The following TRPM3 variants were observed in gnomAD, a reference collection of about 807,000 sequenced individuals.
TRPM3 encodes the protein transient receptor potential cation channel subfamily M member 3, also known as long transient receptor potential channel 3.
TRPM3 carries 77 observed loss-of-function variants against 181.2 expected under a neutral mutation model. The ratio of observed to expected loss-of-function variants is 0.42; its 90% CI spans 0.35 to 0.51. The LOEUF (loss-of-function observed/expected upper bound fraction) is 0.51. Among genes scored for constraint, TRPM3 ranks in the 20% least tolerant of loss-of-function variants. TRPM3 has a pLI of 0.01. For missense variants in TRPM3, 1,759 were observed against 2,196.7 expected (o/e 0.80, Z 3.98); for synonymous variants, 745 against 796.4 (o/e 0.94, Z 1.09).
intron 1 of TRPM3, among the ~76,000 whole-genome samples, chr9:71,290,156 A>G (rs907928436): frequency 2.0e-5 from 3 of 152,052 alleles, no homozygotes; most frequent in African/African-American, 7.2e-5. Context: ...TTCACAAAAG[A>G]GAAGACATGA....
intron 1 of TRPM3, among the ~76,000 whole-genome samples, chr9:70,961,509 T>C (rs1486091826): frequency 6.6e-6 from 1 of 152,192 alleles, no homozygotes; most frequent in East Asian, 1.9e-4. Context: ...CAGGGTGTTT[T>C]ACAGAGCCTG....
intron 17 of TRPM3, among the ~76,000 whole-genome samples, chr9:70,617,233 G>A (rs1171047862): frequency 6.6e-6 from 1 of 152,220 alleles, no homozygotes; most frequent in African/African-American, 2.4e-5. Flanking sequence ...GGAGCTGAGA[G>A]CCAGCATGAC....
chr9:70,840,543 A>T (rs1392240845), intron 5 of TRPM3, among the ~76,000 whole-genome samples: 6 of 152,112 alleles, frequency 3.9e-5, no homozygotes, highest in Non-Finnish European at 8.8e-5. Flanking sequence ...GAAGGCAGAC[A>T]ATGTCAGTAA....
intron 22 of TRPM3, among the ~76,000 whole-genome samples, chr9:70,563,217 G>T (rs1014027899): frequency 2.0e-5 from 3 of 152,208 alleles, no homozygotes; most frequent in Admixed American, 2.0e-4. Context: ...AGCTGAGGCT[G>T]TTCTGGAGGA....
chr9:70,680,282 C>A (rs572394289), intron 9 of TRPM3, among the ~76,000 whole-genome samples: 1 of 152,096 alleles, frequency 6.6e-6, no homozygotes, highest in East Asian at 1.9e-4. Context: ...AAAATAGCTC[C>A]TATATCATTT....
At chr9:71,004,301 A>G (rs1224428857) in intron 1 of TRPM3, among the ~76,000 whole-genome samples, 1 of 152,258 alleles carries the variant, frequency 6.6e-6, no homozygotes, top group Non-Finnish European at 1.5e-5. Flanking sequence ...GAAACAACCC[A>G]AAGGCTGGTG....
At position 71,423,643 on chromosome 9, in the gene TRPM3, C is replaced by T. The variant is rs551656459; in HGVS notation, c.183+23010G>A. The stretch of plus-strand genomic sequence containing the variant: ...AAACAAGAAAACAAAGTGCATTATG[C>T]CTTTTTGGAACTATGAAATTTAAGA... On this transcript the variant is annotated intron_variant, in intron 1 of 24. Transcript: ENST00000357533. Among the ~76,000 whole-genome samples the T allele has an allele frequency of 7.2e-4, 109 of 152,132 alleles. No individual in the cohort carries two copies. The Middle Eastern group carries it at 0.01, about 14-fold the overall frequency.
intron 1 of TRPM3, among the ~76,000 whole-genome samples, chr9:71,048,738 A>G (rs1590969097): frequency 1.3e-5 from 2 of 152,178 alleles, no homozygotes; most frequent in South Asian, 2.1e-4. Context: ...GGAAATCACA[A>G]TCAAGCCTAG....
intron 1 of TRPM3, among the ~76,000 whole-genome samples, chr9:71,158,748 A>G (rs1481352294): frequency 2.0e-5 from 3 of 152,150 alleles, no homozygotes; most frequent in Non-Finnish European, 4.4e-5. Context: ...GTCTATGAAT[A>G]TGATTCCAAA....
intron 7 of TRPM3, among the ~76,000 whole-genome samples, chr9:70,771,399 T>C (rs985844268): frequency 2.0e-5 from 3 of 152,138 alleles, no homozygotes; most frequent in Non-Finnish European, 2.9e-5. Context: ...TTCTCTTGTT[T>C]GTTATTTTTT....
rs192654766 is a variant in TRPM3 at position 70,571,305 on chromosome 9, G to T, written c.3224-17995C>A. Among the ~76,000 whole-genome samples the T allele has an allele frequency of 3.9e-5, 6 of 152,234 alleles. No homozygotes were observed. In the East Asian group the frequency reaches 1.2e-3, roughly 29 times the overall value. ...CTCAGTTTCTTCAATTATGAATTAG[G>T]TAATAATTACAGCTACCTTAAGAGT... On this transcript the variant is annotated intron_variant, in intron 22 of 25. Transcript: ENST00000677713.
In TRPM3 at chr9:71,279,050, T is replaced by C. The variant is rs7040802; in HGVS notation, c.183+167603A>G. ...CTGCTTAGGTTAAAAAAAATAAAAA[T>C]AAAAATAAAAATAAAAAAACCACCA... is the stretch of plus-strand genomic sequence containing the variant. On this transcript the variant is annotated intron_variant, in intron 1 of 24. Transcript: ENST00000357533. 9.9e-5 allele frequency among the ~76,000 whole-genome samples: 8 copies of C among 80,892 alleles called. 1 individual carries two copies. Among genetic ancestry groups the C allele is most frequent in the African/African-American group, 4.6e-4 (7 of 15,376 alleles). 53.1% of individuals were successfully genotyped at this position (80,892 alleles called of 152,430 possible).
Position 70,849,920 on chromosome 9 carries a change from A to T in TRPM3, c.463-3329T>A, listed in dbSNP as rs185019435. 8.5e-5 allele frequency among the ~76,000 whole-genome samples: 13 copies of T among 152,324 alleles called. No individual in the cohort carries two copies. In the East Asian group the frequency reaches 2.1e-3, roughly 25 times the overall value. ...CTATTCTTTCGTTAAAGTATATTTG[A>T]AATATATTTAGCTGAAACATGAGGC... is the stretch of plus-strand genomic sequence containing the variant. On this transcript the variant is annotated intron_variant, in intron 3 of 25. Coordinates refer to ENST00000677713, the MANE Select transcript of TRPM3 (RefSeq NM_001366145.2).
intron 9 of TRPM3, among the ~76,000 whole-genome samples, chr9:70,660,949 C>G (rs2061044383): frequency 6.6e-6 from 1 of 151,994 alleles, no homozygotes; most frequent in African/African-American, 2.4e-5. Context: ...CCAGCATCAC[C>G]CTAATACCAA....
At chr9:71,254,553 C>T (rs1390438524) in intron 1 of TRPM3, among the ~76,000 whole-genome samples, 1 of 152,040 alleles carries the variant, frequency 6.6e-6, no homozygotes, top group East Asian at 1.9e-4. Context: ...TTAGCCATTC[C>T]ACAATGTATA....
Position 71,213,856 on chromosome 9 carries a change from A to G in TRPM3, c.183+232797T>C, listed in dbSNP as rs148633442. Among the ~76,000 whole-genome samples the G allele has an allele frequency of 6.1e-3, 930 of 152,306 alleles. 13 individuals are homozygous for G. Among genetic ancestry groups the G allele is most frequent in the African/African-American group, 0.021 (880 of 41,574 alleles). Reference sequence around the variant, plus strand: ...CATTGACTTTTAAAAAGTCAAGAATAACCTACATATTTTTTCCTGGTACAA... The same window carrying G: ...CATTGACTTTTAAAAAGTCAAGAATGACCTACATATTTTTTCCTGGTACAA... On this transcript the variant is annotated intron_variant, in intron 1 of 24. Transcript: ENST00000357533.
chr9:71,244,856 G>A (rs997759474), intron 1 of TRPM3, among the ~76,000 whole-genome samples: 2 of 152,186 alleles, frequency 1.3e-5, no homozygotes, highest in African/African-American at 4.8e-5. Flanking sequence ...GCACTATACG[G>A]AATTTAGTTT....
At position 70,668,510 on chromosome 9, in the gene TRPM3, A is replaced by G. The variant is rs1026210446; in HGVS notation, c.1345+12996T>C. Reference sequence around the variant, plus strand: ...AAACCCCGTCTCTACTAAAAAATACAAAAAATTAGCTGGGCGTGGTGGCGG... The same window carrying G: ...AAACCCCGTCTCTACTAAAAAATACGAAAAATTAGCTGGGCGTGGTGGCGG... On this transcript the variant is annotated intron_variant, in intron 9 of 25. Transcript: ENST00000677713. Among the ~76,000 whole-genome samples, 4 of 150,100 alleles carry G rather than the reference A, an allele frequency of 2.7e-5. 1 individual carries two copies. Among genetic ancestry groups the G allele is most frequent in the Admixed American group, 2.7e-4 (4 of 15,064 alleles).
At position 71,313,857 on chromosome 9, in the gene TRPM3, T is replaced by C. The variant is rs575642822; in HGVS notation, c.183+132796A>G. On this transcript the variant is annotated intron_variant, in intron 1 of 24. Coordinates refer to the TRPM3 transcript ENST00000357533. ...GGTTGTAAATATTGAAAGAGTATAATGAAGCAGAAGAAAACATCAGCAATA... is the reference window on the plus strand; with the variant it reads ...GGTTGTAAATATTGAAAGAGTATAACGAAGCAGAAGAAAACATCAGCAATA... Among the ~76,000 whole-genome samples the C allele has an allele frequency of 2.0e-3, 305 of 152,246 alleles. 1 individual carries two copies. Among genetic ancestry groups the C allele is most frequent in the African/African-American group, 7.0e-3 (292 of 41,572 alleles).
Sources: allele counts gnomAD v4.1 joint callset (sites outside exome capture counted in the v4.1 genomes callset), GRCh38; gene constraint gnomAD v4.1.1; transcripts MANE v1.5; gene names NCBI Gene and HGNC (gene_info 2026-07-23, HGNC 2026-07-21).